The following ABLIM1 variants were observed in gnomAD, a reference collection of about 807,000 sequenced individuals.
ABLIM1 encodes the protein actin-binding LIM protein 1.
In ABLIM1, 40 loss-of-function variants were observed where a neutral mutation model predicts 107.0. The observed-to-expected ratio is 0.37, with a 90% CI of 0.29 to 0.49. The LOEUF (loss-of-function observed/expected upper bound fraction) is 0.49. Ranked by LOEUF, ABLIM1 falls within the 20% of genes least tolerant of loss-of-function variation. The pLI is 0.97. For missense variants in ABLIM1, 857 were observed against 1,008.5 expected (o/e 0.85, Z 2.04); for synonymous variants, 357 against 357.3 (o/e 1.00, Z 0.01).
rs140256636 is a variant in ABLIM1 at position 114,490,974 on chromosome 10, A to ATGTGTGTGTG, written c.982+807_982+816dup. ...GTGAGCCACCACGCCCGGCATATATATGTGTGTGTGTGTGTGTGTGTGTGT... is the reference window on the plus strand; with the variant it reads ...GTGAGCCACCACGCCCGGCATATATATGTGTGTGTGTGTGTGTGTGTGTGTGTGTGTGTGT... On this transcript the variant is annotated intron_variant, in intron 7 of 22. Transcript: ENST00000533213. Among the ~76,000 whole-genome samples the ATGTGTGTGTG allele has an allele frequency of 2.1e-3, 210 of 98,990 alleles. 2 individuals are homozygous for ATGTGTGTGTG. The highest frequency in any genetic ancestry group is 4.1e-3 in the Admixed American group (32 of 7,734). The allele number at this position is 98,990 out of a possible 152,430, so 64.9% of individuals were successfully genotyped here. A position where few individuals can be genotyped will look rare whatever the true frequency, so the allele number is the denominator to read the frequency against.
At chr10:114,726,792 CA>C (rs2081969967) in intron 1 of ABLIM1, among the ~76,000 whole-genome samples, 1 of 151,874 alleles carries the variant, frequency 6.6e-6, no homozygotes, top group African/African-American at 2.4e-5. Context: ...AAAAAACACA[CA>C]AAAAAAGAAC....
chr10:114,631,990 C>T, intron 1 of ABLIM1: 1 of 1,300,556 alleles, frequency 7.7e-7, no homozygotes, highest in Non-Finnish European at 1.0e-6. Context: ...AAGCGCGCCT[C>T]GGCAGACAGA....
At chr10:114,713,494 C>T (rs1195828827) in intron 1 of ABLIM1, among the ~76,000 whole-genome samples, 1 of 152,184 alleles carries the variant, frequency 6.6e-6, no homozygotes, top group Non-Finnish European at 1.5e-5. Context: ...AAATCAAAAA[C>T]AGGGATAGTC....
chr10:114,580,686 G>A lies in ABLIM1; in HGVS notation c.380-5087C>T, dbSNP rs116892205. Reference sequence around the variant, plus strand: ...TCTTTTTAACCAAAAATATCTAAAGGTGAACATTATTTTTTTTTAACAAAA... The same window carrying A: ...TCTTTTTAACCAAAAATATCTAAAGATGAACATTATTTTTTTTTAACAAAA... On this transcript the variant is annotated intron_variant, in intron 2 of 22. Coordinates refer to ENST00000533213, the MANE Select transcript of ABLIM1 (RefSeq NM_002313.7). Among the ~76,000 whole-genome samples the A allele has an allele frequency of 9.9e-5, 15 of 152,164 alleles. No homozygotes were observed. The East Asian group carries it at 2.7e-3, about 27-fold the overall frequency.
chr10:114,547,756 C>A lies in ABLIM1; in HGVS notation c.694G>T (p.Asp232Tyr). 1 of 1,610,826 alleles carries A rather than the reference C, an allele frequency of 6.2e-7. No individual in the cohort carries two copies. Among genetic ancestry groups the A allele is most frequent in the South Asian group, 1.1e-5 (1 of 91,080 alleles). Residue 232 changes from aspartate (D) to tyrosine (Y), a missense_variant, in exon 5 of 23, where the codon GAT (aspartate) becomes TAT (tyrosine). Asp to Tyr is a radical substitution (Grantham distance 160). This residue lies in a region of ABLIM1 where 381 missense variants were observed against 506.9 expected (regional missense o/e 0.75). Transcript: ENST00000533213. ...AGCAGCGCCTGCCCATTCTTGATAT[C>A]TCTTCCGCAGCCGGCACAATCTGAA... ...FSSNCAGCGR[D>Y]IKNGQALLAL...
intron 2 of ABLIM1, among the ~76,000 whole-genome samples, chr10:114,586,551 CTT>C (rs774840161): frequency 6.6e-6 from 1 of 152,194 alleles, no homozygotes; most frequent in Non-Finnish European, 1.5e-5. Context: ...ATGATCAACT[CTT>C]TTCCATCTGA....
chr10:114,530,059 G>A (rs2065286547), intron 6 of ABLIM1, among the ~76,000 whole-genome samples: 1 of 152,140 alleles, frequency 6.6e-6, no homozygotes, highest in Non-Finnish European at 1.5e-5. Context: ...TAATCAAAGG[G>A]TGGGCAGAGG....
At chr10:114,578,489 C>A (rs2072921191) in intron 2 of ABLIM1, among the ~76,000 whole-genome samples, 1 of 151,736 alleles carries the variant, frequency 6.6e-6, no homozygotes, top group Non-Finnish European at 1.5e-5. Flanking sequence ...TCACTACAAC[C>A]TCCACCTCTC....
chr10:114,615,277 A>T (rs1453618874), intron 1 of ABLIM1, among the ~76,000 whole-genome samples: 1 of 151,912 alleles, frequency 6.6e-6, no homozygotes, highest in Non-Finnish European at 1.5e-5. Context: ...CTCTTTCCAC[A>T]TCCTCCCAAG....
intron 1 of ABLIM1, among the ~76,000 whole-genome samples, chr10:114,664,974 C>T: frequency 6.6e-6 from 1 of 151,562 alleles, no homozygotes; most frequent in East Asian, 2.0e-4. Flanking sequence ...AAAAATTAGC[C>T]GGGTGCGGTG....
chr10:114,463,648 T>C (rs941663504), intron 12 of ABLIM1, among the ~76,000 whole-genome samples: 5 of 152,140 alleles, frequency 3.3e-5, no homozygotes, highest in Admixed American at 3.3e-4. Context: ...AACATGTTTG[T>C]GTTCCCTGTG....
At chr10:114,643,099 T>C (rs1278525703) in intron 1 of ABLIM1, among the ~76,000 whole-genome samples, 2 of 152,126 alleles carry the variant, frequency 1.3e-5, no homozygotes, top group Admixed American at 6.5e-5. Flanking sequence ...AATTAAGAGA[T>C]GAATTAAAAT....
intron 2 of ABLIM1, among the ~76,000 whole-genome samples, chr10:114,578,027 C>T (rs1022152673): frequency 1.3e-5 from 2 of 152,188 alleles, no homozygotes; most frequent in Admixed American, 1.3e-4. Flanking sequence ...TACTCCTTCT[C>T]AGTCTCAGTG....
chr10:114,604,551 A>G (rs1022151957), intron 1 of ABLIM1, among the ~76,000 whole-genome samples: 1 of 152,218 alleles, frequency 6.6e-6, no homozygotes, highest in African/African-American at 2.4e-5. Flanking sequence ...CTTCAGCCCC[A>G]ATGACTAGGA....
At chr10:114,749,680 T>C (rs1012508286) in intron 1 of ABLIM1, among the ~76,000 whole-genome samples, 1 of 152,082 alleles carries the variant, frequency 6.6e-6, no homozygotes, top group Non-Finnish European at 1.5e-5. Context: ...GTTCACAAGA[T>C]AGCACATGAC....
rs779355525 is a variant in ABLIM1, at chr10:114,750,408, CA to C, written c.-213+17652del. Among the ~76,000 whole-genome samples, 89 of 151,756 alleles carry C rather than the reference CA, an allele frequency of 5.9e-4. 1 individual carries two copies. The highest frequency in any genetic ancestry group is 1.0e-3 in the Admixed American group (16 of 15,248). ...TCATATAAGAATAATCTAGTTTAAG[CA>C]GAATACAAAACCCAAGAAACACTAG... On this transcript the variant is annotated intron_variant, in intron 1 of 15. Coordinates refer to the ABLIM1 transcript ENST00000651092.
chr10:114,667,431 T>A (rs755794076), intron 1 of ABLIM1, among the ~76,000 whole-genome samples: 17 of 152,358 alleles, frequency 1.1e-4, no homozygotes, highest in Middle Eastern at 3.4e-3. Flanking sequence ...TTCCTACACA[T>A]ACAGTCTTTT....
At chr10:114,497,596 G>A (rs2059848952) in intron 6 of ABLIM1, among the ~76,000 whole-genome samples, 1 of 149,628 alleles carries the variant, frequency 6.7e-6, no homozygotes, top group African/African-American at 2.5e-5. Flanking sequence ...GCAGGAGAAT[G>A]GCGCGAACCC....
At chr10:114,527,453 T>C (rs2064941033) in intron 6 of ABLIM1, among the ~76,000 whole-genome samples, 1 of 152,214 alleles carries the variant, frequency 6.6e-6, no homozygotes, top group Non-Finnish European at 1.5e-5. Context: ...CTACTGGCTA[T>C]GTTGCAGGCA....
Sources: allele counts gnomAD v4.1 joint callset (sites outside exome capture counted in the v4.1 genomes callset), GRCh38; gene constraint gnomAD v4.1.1; regional missense constraint gnomAD v4.1.1; transcripts MANE v1.5; gene names NCBI Gene and HGNC (gene_info 2026-07-23, HGNC 2026-07-21).